MAF: variants seen among roughly 807,000 people sequenced by gnomAD.
The protein encoded by MAF is MAF bZIP transcription factor, also known as transcription factor Maf.
MAF carries 10 observed loss-of-function variants against 22.0 expected under a neutral mutation model. That is an observed-to-expected ratio of 0.45 (90% confidence interval 0.28 to 0.77). The LOEUF (loss-of-function observed/expected upper bound fraction) is 0.77, where lower values mean the gene tolerates loss of function less well. MAF is among the 30% of genes least tolerant of loss of function. The pLI, the probability that MAF is intolerant of heterozygous loss-of-function variation, is 0.12. For missense variants in MAF, 544 were observed against 548.4 expected, an observed-to-expected ratio of 0.99 and a Z score of 0.08; for synonymous variants, 337 against 255.8, an observed-to-expected ratio of 1.32 and a Z score of -3.03.
the MAF span, among the ~76,000 whole-genome samples, chr16:79,576,569 G>A: frequency 6.6e-5 from 10 of 151,628 alleles, no homozygotes; most frequent in African/African-American, 2.2e-4. Context: ...TTTCAGAGGA[G>A]GGCAGCTATA....
the MAF span, among the ~76,000 whole-genome samples, chr16:79,263,508 C>T: frequency 1.3e-5 from 2 of 152,222 alleles, no homozygotes; most frequent in African/African-American, 4.8e-5. Context: ...CAGGCAGTGA[C>T]GTTCTAAAAT....
the MAF span, among the ~76,000 whole-genome samples, chr16:79,365,541 C>A: frequency 2.0e-5 from 3 of 151,744 alleles, no homozygotes; most frequent in African/African-American, 7.3e-5. Flanking sequence ...GGCCCTAGCT[C>A]TCCTCTCGGA....
chr16:79,276,193 G>A, the MAF span, among the ~76,000 whole-genome samples: 1 of 151,994 alleles, frequency 6.6e-6, no homozygotes, highest in Non-Finnish European at 1.5e-5. Flanking sequence ...ACAGGCCACA[G>A]ACTCCACCCT....
the MAF span, among the ~76,000 whole-genome samples, chr16:79,336,847 T>G: frequency 6.6e-6 from 1 of 152,244 alleles, no homozygotes; most frequent in Non-Finnish European, 1.5e-5. Context: ...AATTAATGAA[T>G]GCAGACATAA....
chr16:79,593,907 G>A lies in MAF; in HGVS notation c.*553C>T, dbSNP rs934174842. 3 of 194,634 alleles carry A rather than the reference G, an allele frequency of 1.5e-5. No homozygotes were observed. The highest frequency in any genetic ancestry group is 3.2e-5 in the Non-Finnish European group (3 of 93,636). 12.1% of individuals were successfully genotyped at this position (194,634 alleles called of 1,614,324 possible). A position where few individuals can be genotyped will look rare whatever the true frequency, so the allele number is the denominator to read the frequency against. ...ACAGCTATGTCTGACAAATGAGCAC[G>A]TTTGACATCACTGATAAATGCAACA... On this transcript the variant is annotated 3_prime_UTR_variant, in exon 2 of 2. Transcript: ENST00000326043.
chr16:79,234,084 C>T, the MAF span, among the ~76,000 whole-genome samples: 1 of 151,774 alleles, frequency 6.6e-6, no homozygotes, highest in Non-Finnish European at 1.5e-5. Context: ...TGATCCTGAA[C>T]CCGCCCACCC....
chr16:79,588,075 C>A (rs1471884417), intron 1 of MAF, among the ~76,000 whole-genome samples: 6 of 152,198 alleles, frequency 3.9e-5, no homozygotes, highest in Non-Finnish European at 5.9e-5. Flanking sequence ...ATAGCTCTTA[C>A]ACTTGGATCT....
At chr16:79,510,177 G>C in the MAF span, among the ~76,000 whole-genome samples, 2 of 152,182 alleles carry the variant, frequency 1.3e-5, no homozygotes, top group African/African-American at 2.4e-5. Flanking sequence ...TGGATTGTGA[G>C]TTAAAGGCAA....
the MAF span, among the ~76,000 whole-genome samples, chr16:79,434,700 A>AACAT: frequency 6.6e-6 from 1 of 151,966 alleles, no homozygotes; most frequent in Non-Finnish European, 1.5e-5. Context: ...TTTAATAGAG[A>AACAT]ACATCATCAT....
At chr16:79,256,551 C>G in the MAF span, among the ~76,000 whole-genome samples, 1 of 152,104 alleles carries the variant, frequency 6.6e-6, no homozygotes, top group Non-Finnish European at 1.5e-5. Flanking sequence ...AAGGACACAC[C>G]AGGAGCGTAC....
chr16:79,490,840 G>T, the MAF span, among the ~76,000 whole-genome samples: 6 of 152,266 alleles, frequency 3.9e-5, no homozygotes, highest in Admixed American at 6.5e-5. Flanking sequence ...TCACTCTTGG[G>T]CTGTCATGTT....
chr16:79,322,317 G>C, the MAF span, among the ~76,000 whole-genome samples: 1 of 152,070 alleles, frequency 6.6e-6, no homozygotes, highest in East Asian at 1.9e-4. Flanking sequence ...CGGCACTCAG[G>C]GGGTCACCAA....
At chr16:79,372,105 C>T in the MAF span, among the ~76,000 whole-genome samples, 2 of 147,288 alleles carry the variant, frequency 1.4e-5, no homozygotes, top group African/African-American at 5.1e-5. Flanking sequence ...AGTGCAATGC[C>T]AGTTTCAGGC....
the MAF span, among the ~76,000 whole-genome samples, chr16:79,247,028 T>C: frequency 6.6e-6 from 1 of 152,068 alleles, no homozygotes; most frequent in Non-Finnish European, 1.5e-5. Flanking sequence ...TAGTGGTAAG[T>C]GCTATGAGGA....
At chr16:79,416,172 C>T in the MAF span, among the ~76,000 whole-genome samples, 14 of 152,242 alleles carry the variant, frequency 9.2e-5, no homozygotes, top group African/African-American at 2.4e-4. Flanking sequence ...TTGCTCACTG[C>T]TAATAGTTAG....
chr16:79,413,525 G>T, the MAF span, among the ~76,000 whole-genome samples: 2 of 151,336 alleles, frequency 1.3e-5, no homozygotes, highest in Admixed American at 6.6e-5. Context: ...GAGCCACCGC[G>T]CCCGGCCGAG....
At chr16:79,373,708 T>A in the MAF span, among the ~76,000 whole-genome samples, 1 of 152,042 alleles carries the variant, frequency 6.6e-6, no homozygotes, top group Non-Finnish European at 1.5e-5. Context: ...GAAGAGAGAC[T>A]TGAACTAGCA....
the MAF span, among the ~76,000 whole-genome samples, chr16:79,413,210 G>GTTGTTTTT: frequency 8.0e-4 from 51 of 63,620 alleles, 6 homozygotes; most frequent in Non-Finnish European, 1.2e-3. Flanking sequence ...GAGCTGTGCA[G>GTTGTTTTT]TTTTTTTTTT....
the MAF span, among the ~76,000 whole-genome samples, chr16:79,549,577 G>C: frequency 6.6e-6 from 1 of 152,174 alleles, no homozygotes; most frequent in South Asian, 2.1e-4. Context: ...GTGAAGCCCA[G>C]CTTCAATTAC....
Sources: allele counts gnomAD v4.1 joint callset (sites outside exome capture counted in the v4.1 genomes callset), GRCh38; gene constraint gnomAD v4.1.1; transcripts MANE v1.5; gene names NCBI Gene and HGNC (gene_info 2026-07-23, HGNC 2026-07-21).